GPC3: variants seen among roughly 807,000 people sequenced by gnomAD.
The protein encoded by GPC3 is glypican-3.
GPC3 carries 3 observed loss-of-function variants against 34.4 expected under a neutral mutation model. The ratio of observed to expected loss-of-function variants is 0.09; its 90% confidence interval spans 0.04 to 0.23. The LOEUF (loss-of-function observed/expected upper bound fraction) is 0.23, where lower values mean the gene tolerates loss of function less well. GPC3 is among the 10% of genes least tolerant of loss of function. The probability of loss-of-function intolerance (pLI) is 1.00; values close to 1 mark genes in which losing one functional copy is unlikely to be tolerated. For missense variants in GPC3, 351 were observed against 445.6 expected (o/e 0.79, Z 1.91); for synonymous variants, 177 against 174.0 (o/e 1.02, Z -0.13).
chrX:133,567,745 G>A (rs2069594435), intron 7 of GPC3, among the ~76,000 whole-genome samples: 1 of 111,944 alleles, frequency 8.9e-6, no homozygotes, highest in East Asian at 2.8e-4. Flanking sequence ...AAAAGAGAAT[G>A]GAGAGAGGCC....
chrX:133,586,091 A>G (rs1341029059), intron 7 of GPC3, among the ~76,000 whole-genome samples: 1 of 111,859 alleles, frequency 8.9e-6, no homozygotes, highest in Non-Finnish European at 1.9e-5. Flanking sequence ...AGCAAATCTC[A>G]GAATATCTCC....
At chrX:133,608,558 G>T (rs1053795462) in intron 6 of GPC3, among the ~76,000 whole-genome samples, 2 of 112,019 alleles carry the variant, frequency 1.8e-5, no homozygotes, top group African/African-American at 6.5e-5. Context: ...GACATCTTGT[G>T]GTTATACTTT....
intron 7 of GPC3, among the ~76,000 whole-genome samples, chrX:133,594,504 G>A (rs1200576825): frequency 8.9e-6 from 1 of 111,759 alleles, no homozygotes; most frequent in Non-Finnish European, 1.9e-5. Context: ...AAAAAAGTGT[G>A]GTACATACAT....
At chrX:133,807,722 C>A (rs2075643707) in intron 2 of GPC3, among the ~76,000 whole-genome samples, 1 of 112,471 alleles carries the variant, frequency 8.9e-6, no homozygotes, top group African/African-American at 3.2e-5. Flanking sequence ...TGGCCAGGCA[C>A]TGTGCTCAAG....
At chrX:133,919,619 C>T (rs1386849115) in intron 2 of GPC3, among the ~76,000 whole-genome samples, 1 of 110,048 alleles carries the variant, frequency 9.1e-6, no homozygotes, top group Non-Finnish European at 1.9e-5. Context: ...CCAAGGAGTT[C>T]GAGATCAGCC....
Position 133,848,215 on chromosome X carries a change from T to C in GPC3, c.338-94039A>G, listed in dbSNP as rs760137221. 3.6e-5 allele frequency among the ~76,000 whole-genome samples: 4 copies of C among 112,111 alleles called. No homozygotes were observed. The South Asian group carries it at 1.5e-3, about 42-fold the overall frequency. ...AACCTAAATCAGAGACAAATGACAC[T>C]TTATGGTTACTGACTCTATGCTTGT... On this transcript the variant is annotated intron_variant, in intron 2 of 7. Coordinates refer to ENST00000370818, the MANE Select transcript of GPC3 (RefSeq NM_004484.4).
intron 2 of GPC3, among the ~76,000 whole-genome samples, chrX:133,773,572 G>A (rs2071944481): frequency 9.0e-6 from 1 of 111,661 alleles, no homozygotes; most frequent in African/African-American, 3.3e-5. Context: ...GTCAGCTCTT[G>A]AACACTAGTG....
Position 133,576,402 on chromosome X carries a change from C to A in GPC3, c.1573+20038G>T, listed in dbSNP as rs752006747. Among the ~76,000 whole-genome samples the A allele has an allele frequency of 4.5e-5, 5 of 110,779 alleles. No individual in the cohort carries two copies. In the East Asian group the frequency reaches 1.4e-3, roughly 32 times the overall value. On this transcript the variant is annotated intron_variant, in intron 7 of 7. Transcript: ENST00000370818. Reference sequence around the variant, plus strand: ...GGGATTACAGGCGTGTGTCACCACACTTAATTTTTGTATTTTTAGCAGAGA... The same window carrying A: ...GGGATTACAGGCGTGTGTCACCACAATTAATTTTTGTATTTTTAGCAGAGA...
intron 2 of GPC3, among the ~76,000 whole-genome samples, chrX:133,771,006 A>G (rs1466742127): frequency 9.0e-6 from 1 of 111,674 alleles, no homozygotes; most frequent in Non-Finnish European, 1.9e-5. Context: ...GACAAGGGAC[A>G]GTATACACTA....
At chrX:133,941,740 A>G (rs772154617) in intron 2 of GPC3, among the ~76,000 whole-genome samples, 1 of 112,320 alleles carries the variant, frequency 8.9e-6, no homozygotes, top group African/African-American at 3.2e-5. Flanking sequence ...CATTTGACTG[A>G]AAGTATGTTT....
intron 7 of GPC3, among the ~76,000 whole-genome samples, chrX:133,565,713 G>T (rs964192154): frequency 1.8e-5 from 2 of 112,406 alleles, no homozygotes; most frequent in Non-Finnish European, 3.7e-5. Context: ...TGGTTAAAGG[G>T]CTCATCCCCA....
rs2076169567 is a variant in GPC3, at chrX:133,906,798, G to C, written c.337+46252C>G. 3.6e-5 allele frequency among the ~76,000 whole-genome samples: 4 copies of C among 112,024 alleles called. No homozygotes were observed. The South Asian group carries it at 1.5e-3, about 41-fold the overall frequency. ...ATTACTTTTTTATTTTTAAAAGTTG[G>C]CCGGGCACGGTGGCTCACGCCTGTA... On this transcript the variant is annotated intron_variant, in intron 2 of 7. Coordinates refer to ENST00000370818, the MANE Select transcript of GPC3 (RefSeq NM_004484.4).
At chrX:133,881,701 T>C (rs1275155655) in intron 2 of GPC3, among the ~76,000 whole-genome samples, 1 of 111,988 alleles carries the variant, frequency 8.9e-6, no homozygotes, top group Non-Finnish European at 1.9e-5. Context: ...GTCCTTTTTT[T>C]CCCTCCCTCT....
intron 5 of GPC3, among the ~76,000 whole-genome samples, chrX:133,690,133 G>A (rs1001328933): frequency 1.8e-5 from 2 of 111,552 alleles, no homozygotes; most frequent in Admixed American, 9.6e-5. Flanking sequence ...AGAGAGAAGT[G>A]TATCTCCATA....
chrX:133,964,443 T>C (rs1057013351), intron 1 of GPC3, among the ~76,000 whole-genome samples: 2 of 111,452 alleles, frequency 1.8e-5, no homozygotes, highest in South Asian at 3.8e-4. Context: ...GTGGCAAAAA[T>C]GCTTAGAAAA....
intron 6 of GPC3, among the ~76,000 whole-genome samples, chrX:133,655,608 A>G (rs1345148946): frequency 9.0e-6 from 1 of 111,549 alleles, no homozygotes; most frequent in African/African-American, 3.3e-5. Context: ...AGACACTGGG[A>G]CATAATTCCA....
intron 4 of GPC3, among the ~76,000 whole-genome samples, chrX:133,693,642 T>C: frequency 8.9e-6 from 1 of 111,816 alleles, no homozygotes; most frequent in Non-Finnish European, 1.9e-5. Flanking sequence ...TGAATATCAT[T>C]TGGACACTGG....
At chrX:133,544,856 G>A (rs1329087174) in intron 7 of GPC3, among the ~76,000 whole-genome samples, 1 of 111,381 alleles carries the variant, frequency 9.0e-6, no homozygotes, top group Non-Finnish European at 1.9e-5. Context: ...GGCACATCAT[G>A]AGTCAAACCA....
At chrX:133,555,867 A>T (rs1276391170) in intron 7 of GPC3, among the ~76,000 whole-genome samples, 1 of 110,912 alleles carries the variant, frequency 9.0e-6, no homozygotes, top group African/African-American at 3.3e-5. Context: ...GAAATGATGA[A>T]TGCAGCAATG....
Sources: gnomAD v4.1 joint callset for allele counts (sites outside exome capture counted in the v4.1 genomes callset) on GRCh38, gnomAD v4.1.1 for gene constraint, MANE v1.5 for transcripts, NCBI Gene and HGNC (gene_info 2026-07-23, HGNC 2026-07-21) for gene names.